Variants in KCNIP4 observed in about 807,000 individuals in gnomAD.
The protein encoded by KCNIP4 is Kv channel-interacting protein 4.
In KCNIP4, 12 loss-of-function variants were observed where a neutral mutation model predicts 34.0. That is an observed-to-expected ratio of 0.35 (90% CI 0.23 to 0.57). KCNIP4 has a LOEUF of 0.57. KCNIP4 is among the 20% of genes least tolerant of loss of function. The pLI is 0.83. For missense variants in KCNIP4, 238 were observed against 311.7 expected (o/e 0.76, Z 1.78); for synonymous variants, 124 against 102.2 (o/e 1.21, Z -1.29).
intron 1 of KCNIP4, among the ~76,000 whole-genome samples, chr4:21,533,904 A>G (rs1736929339): frequency 6.6e-6 from 1 of 152,192 alleles, no homozygotes; most frequent in Non-Finnish European, 1.5e-5. Context: ...CATTAGATAC[A>G]GGATAGATGG....
intron 3 of KCNIP4, among the ~76,000 whole-genome samples, chr4:20,800,026 C>T (rs4697184): frequency 0.9 from 136,963 of 152,260 alleles, 61,787 homozygotes; most frequent in African/African-American, 0.97. Context: ...CCAGGTGTTA[C>T]AGTAATTTCA....
intron 1 of KCNIP4, among the ~76,000 whole-genome samples, chr4:21,897,319 G>T (rs1175060838): frequency 6.6e-6 from 1 of 152,098 alleles, no homozygotes; most frequent in African/African-American, 2.4e-5. Context: ...AGAACAGCAT[G>T]CCTTTAAAAG....
intron 1 of KCNIP4, among the ~76,000 whole-genome samples, chr4:20,896,590 T>G (rs1369947883): frequency 6.6e-6 from 1 of 152,132 alleles, no homozygotes; most frequent in Non-Finnish European, 1.5e-5. Context: ...GGATTTCCCG[T>G]AATGACCAGG....
chr4:21,541,474 G>T (rs1328869398), intron 1 of KCNIP4, among the ~76,000 whole-genome samples: 2 of 152,064 alleles, frequency 1.3e-5, no homozygotes, highest in East Asian at 3.9e-4. Context: ...CTGTATAAAA[G>T]AATGTCAAAG....
chr4:21,481,919 C>A (rs1446939006), intron 1 of KCNIP4, among the ~76,000 whole-genome samples: 4 of 152,152 alleles, frequency 2.6e-5, no homozygotes, highest in African/African-American at 2.4e-5. Context: ...AATAAAAGGT[C>A]TCCCATTATT....
intron 1 of KCNIP4, among the ~76,000 whole-genome samples, chr4:21,193,107 C>T (rs180836470): frequency 4.0e-5 from 5 of 123,824 alleles, no homozygotes; most frequent in African/African-American, 2.0e-4. Context: ...CAGAGCAAGA[C>T]CCTGGCTAAA....
intron 5 of KCNIP4, among the ~76,000 whole-genome samples, chr4:20,736,823 A>G (rs2149283688): frequency 6.6e-6 from 1 of 152,342 alleles, no homozygotes; most frequent in Middle Eastern, 3.4e-3. Context: ...TCAAATTCAT[A>G]TTGCAAGGGA....
At chr4:21,270,582 C>T (rs2109132649) in intron 1 of KCNIP4, among the ~76,000 whole-genome samples, 1 of 152,220 alleles carries the variant, frequency 6.6e-6, no homozygotes, top group East Asian at 1.9e-4. Flanking sequence ...AAATACAAAG[C>T]CACCAAAATA....
intron 1 of KCNIP4, among the ~76,000 whole-genome samples, chr4:21,091,839 C>T (rs1347090911): frequency 6.6e-6 from 1 of 152,174 alleles, no homozygotes; most frequent in African/African-American, 2.4e-5. Flanking sequence ...CTGATTACCT[C>T]CTACAGACCC....
At chr4:21,540,899 G>A (rs955048722) in intron 1 of KCNIP4, among the ~76,000 whole-genome samples, 8 of 152,132 alleles carry the variant, frequency 5.3e-5, no homozygotes, top group South Asian at 2.1e-4. Context: ...GGCCTGGCAC[G>A]GTGGCTCACG....
At chr4:21,718,691 C>T (rs1362333076) in intron 1 of KCNIP4, 2 of 152,056 alleles carry the variant, frequency 1.3e-5, no homozygotes, top group African/African-American at 4.8e-5. Context: ...TTCCTTCTTG[C>T]GTGGATAGCT....
rs917498564 is a variant in KCNIP4 at position 20,730,225 on chromosome 4, C to T, written c.706-96G>A. On this transcript the variant is annotated intron_variant, in intron 8 of 8. Coordinates refer to ENST00000382152, the MANE Select transcript of KCNIP4 (RefSeq NM_025221.6). ...AGTATTGCCTCCTCCCATCAACCAC[C>T]TCAACCACCTATGCCAAAAGCTCAA... is the stretch of plus-strand genomic sequence containing the variant. The T allele has an allele frequency of 4.3e-6, 6 of 1,401,308 alleles. No homozygotes were observed. The Admixed American group carries it at 1.0e-4, about 24-fold the overall frequency. The allele number at this position is 1,401,308 out of a possible 1,614,324, so 86.8% of individuals were successfully genotyped here.
At chr4:21,078,476 G>A (rs1392728211) in intron 1 of KCNIP4, among the ~76,000 whole-genome samples, 1 of 151,956 alleles carries the variant, frequency 6.6e-6, no homozygotes, top group African/African-American at 2.4e-5. Flanking sequence ...CAGAGAGAGA[G>A]AGAGATCATC....
intron 3 of KCNIP4, among the ~76,000 whole-genome samples, chr4:20,763,480 A>G (rs777404130): frequency 2.0e-5 from 3 of 152,162 alleles, no homozygotes; most frequent in Non-Finnish European, 4.4e-5. Context: ...AAAAGAGTAC[A>G]TGGAAACTTT....
intron 1 of KCNIP4, among the ~76,000 whole-genome samples, chr4:20,898,217 G>A (rs1301417064): frequency 6.6e-6 from 1 of 152,054 alleles, no homozygotes; most frequent in Non-Finnish European, 1.5e-5. Context: ...GACTTTCCTG[G>A]TTCTCCAGCT....
At chr4:21,208,818 G>A (rs1055114577) in intron 1 of KCNIP4, among the ~76,000 whole-genome samples, 5 of 152,158 alleles carry the variant, frequency 3.3e-5, no homozygotes, top group African/African-American at 1.2e-4. Context: ...TGGCTCAGGA[G>A]GCGTCAGGAA....
chr4:21,806,048 T>C (rs548579885), intron 1 of KCNIP4, among the ~76,000 whole-genome samples: 3 of 152,320 alleles, frequency 2.0e-5, no homozygotes, highest in African/African-American at 7.2e-5. Flanking sequence ...ACATATAAAA[T>C]AGGAGACAAG....
chr4:21,302,410 A>G (rs1317587951), intron 1 of KCNIP4, among the ~76,000 whole-genome samples: 1 of 152,234 alleles, frequency 6.6e-6, no homozygotes, highest in African/African-American at 2.4e-5. Flanking sequence ...TTGTTCCATG[A>G]ATTGTCAGTC....
intron 5 of KCNIP4, among the ~76,000 whole-genome samples, chr4:20,740,109 T>C (rs1002723645): frequency 1.6e-4 from 25 of 152,110 alleles, no homozygotes; most frequent in African/African-American, 6.0e-4. Context: ...CTACGTCTGA[T>C]TGGTGTACCT....
Sources: gnomAD v4.1 joint callset for allele counts (sites outside exome capture counted in the v4.1 genomes callset) on GRCh38, gnomAD v4.1.1 for gene constraint, MANE v1.5 for transcripts, NCBI Gene and HGNC (gene_info 2026-07-23, HGNC 2026-07-21) for gene names.